ZPBP: variants seen among roughly 807,000 people sequenced by gnomAD.
ZPBP encodes zona pellucida-binding protein 1.
ZPBP carries 26 observed loss-of-function variants against 44.8 expected under a neutral mutation model. The observed-to-expected ratio is 0.58, with a 90% confidence interval of 0.43 to 0.81. The LOEUF is 0.81. Ranked by LOEUF, ZPBP falls within the 30% of genes least tolerant of loss-of-function variation. ZPBP has a pLI of 0.00. For synonymous variants in ZPBP, 174 were observed against 153.2 expected (o/e 1.14, Z -1.00); for missense variants, 409 against 434.0 (o/e 0.94, Z 0.51).
chr7:49,864,741 C>CT (rs771775636), intron 2 of ZPBP, among the ~76,000 whole-genome samples: 39 of 152,350 alleles, frequency 2.6e-4, no homozygotes, highest in Middle Eastern at 3.4e-3. Flanking sequence ...TTTATGAATG[C>CT]TGTCTGCTCC....
chr7:50,057,635 G>A lies in ZPBP; in HGVS notation c.487+354C>T, dbSNP rs530192566. On this transcript the variant is annotated intron_variant, in intron 4 of 7. Transcript: ENST00000046087. ...GGTGTTTCACGCTCCTGTTTTGGGG[G>A]ATGGCAGTGTACCAGAAATCATCAT... 5.3e-5 allele frequency among the ~76,000 whole-genome samples: 8 copies of A among 152,272 alleles called. No homozygotes were observed. In the South Asian group the frequency reaches 1.5e-3, roughly 28 times the overall value.
At chr7:50,085,497 A>G (rs1309200368) in intron 2 of ZPBP, among the ~76,000 whole-genome samples, 1 of 152,064 alleles carries the variant, frequency 6.6e-6, no homozygotes, top group Non-Finnish European at 1.5e-5. Flanking sequence ...TTACAATCAC[A>G]GTGAGAACCA....
At chr7:50,018,183 A>G in intron 6 of ZPBP, 57 bp downstream of exon 6, 12 of 1,271,126 alleles carry the variant, frequency 9.4e-6, no homozygotes, top group Non-Finnish European at 1.4e-5. Context: ...GCTTACTTAC[A>G]CATGGGGCAT....
intron 6 of ZPBP, among the ~76,000 whole-genome samples, chr7:49,985,077 G>T (rs1797199473): frequency 1.3e-5 from 2 of 152,266 alleles, no homozygotes; most frequent in Admixed American, 1.3e-4. Flanking sequence ...GGATGTGTGT[G>T]AGTGCACCCT....
intron 1 of ZPBP, among the ~76,000 whole-genome samples, chr7:49,911,289 C>G (rs776643547): frequency 3.3e-5 from 5 of 151,944 alleles, no homozygotes; most frequent in African/African-American, 4.8e-5. Flanking sequence ...CGAGACCATC[C>G]TGGCCAACAT....
intron 1 of ZPBP, chr7:49,916,969 A>G (rs1237061286): frequency 6.6e-6 from 1 of 152,242 alleles, no homozygotes; most frequent in African/African-American, 2.4e-5. Context: ...ATTGTATTGA[A>G]GAGACACTGG....
chr7:49,962,365 C>A (rs1023334832), intron 7 of ZPBP, among the ~76,000 whole-genome samples: 1 of 151,732 alleles, frequency 6.6e-6, no homozygotes, highest in African/African-American at 2.4e-5. Flanking sequence ...ATCAATGCAT[C>A]ATAAAAACAT....
intron 6 of ZPBP, among the ~76,000 whole-genome samples, chr7:49,988,223 A>G (rs1051641437): frequency 3.3e-5 from 5 of 152,210 alleles, no homozygotes; most frequent in Non-Finnish European, 5.9e-5. Flanking sequence ...TCATTTTAGA[A>G]AAATAAATAA....
intron 2 of ZPBP, among the ~76,000 whole-genome samples, chr7:49,884,901 T>C (rs982935915): frequency 2.6e-5 from 4 of 151,974 alleles, no homozygotes; most frequent in African/African-American, 9.7e-5. Flanking sequence ...TAGAGGAAAT[T>C]CAGAAACCTA....
intron 2 of ZPBP, among the ~76,000 whole-genome samples, chr7:49,853,046 A>G (rs1033374997): frequency 3.3e-5 from 5 of 152,178 alleles, no homozygotes; most frequent in Admixed American, 1.3e-4. Context: ...TGCACCAAGG[A>G]CAGAAGCGGA....
At chr7:49,854,978 G>A (rs142502526) in intron 2 of ZPBP, among the ~76,000 whole-genome samples, 2 of 152,332 alleles carry the variant, frequency 1.3e-5, no homozygotes, top group East Asian at 3.9e-4. Flanking sequence ...TGTCATAAGA[G>A]TAGTGCCAAG....
chr7:50,048,011 G>A (rs563767148), intron 4 of ZPBP, among the ~76,000 whole-genome samples: 101 of 152,288 alleles, frequency 6.6e-4, no homozygotes, highest in African/African-American at 2.3e-3. Context: ...TACCAGAATA[G>A]TATGGGAGGG....
chr7:49,845,911 A>G (rs1470248277), downstream of ZPBP, among the ~76,000 whole-genome samples: 1 of 152,160 alleles, frequency 6.6e-6, no homozygotes, highest in African/African-American at 2.4e-5. Flanking sequence ...TTACATATTC[A>G]TCACTGGAGA....
chr7:50,048,398 GC>G (rs918122253), intron 4 of ZPBP, among the ~76,000 whole-genome samples: 23 of 152,018 alleles, frequency 1.5e-4, no homozygotes, highest in African/African-American at 5.6e-4. Context: ...CAGTAAACTG[GC>G]TAACAGCAGC....
chr7:49,858,711 A>T (rs1299714978), intron 2 of ZPBP, among the ~76,000 whole-genome samples: 3 of 152,170 alleles, frequency 2.0e-5, no homozygotes, highest in East Asian at 1.9e-4. Context: ...ATAATAATAA[A>T]AAAAAGAAAG....
intron 3 of ZPBP, among the ~76,000 whole-genome samples, chr7:50,069,155 G>A (rs990892660): frequency 3.3e-5 from 5 of 152,162 alleles, no homozygotes; most frequent in African/African-American, 1.2e-4. Flanking sequence ...TTGACAGCCT[G>A]TATTCCTTTT....
At chr7:49,989,396 G>A (rs1797464014) in intron 6 of ZPBP, among the ~76,000 whole-genome samples, 1 of 152,132 alleles carries the variant, frequency 6.6e-6, no homozygotes, top group African/African-American at 2.4e-5. Flanking sequence ...GGCTGGGCTT[G>A]GCTTTAGAAA....
At chr7:49,992,398 G>C (rs1418585396) in intron 6 of ZPBP, among the ~76,000 whole-genome samples, 1 of 152,016 alleles carries the variant, frequency 6.6e-6, no homozygotes, top group Non-Finnish European at 1.5e-5. Context: ...CATGAAAAGA[G>C]AGGAAACACA....
rs888876671 is a variant in ZPBP, at chr7:50,083,646, G to C, written c.209-1747C>G. Among the ~76,000 whole-genome samples, 7 of 151,912 alleles carry C rather than the reference G, an allele frequency of 4.6e-5. No individual in the cohort carries two copies. In the East Asian group the frequency reaches 1.4e-3, roughly 29 times the overall value. ...AATAAAAAAAGAGAGGCCTGGTGTA[G>C]GAACAAATAATGGGTCTAGGGAAAA... On this transcript the variant is annotated intron_variant, in intron 2 of 7. Coordinates refer to ENST00000046087, the MANE Select transcript of ZPBP (RefSeq NM_007009.3).
Sources: gnomAD v4.1 joint callset for allele counts (sites outside exome capture counted in the v4.1 genomes callset) on GRCh38, gnomAD v4.1.1 for gene constraint, MANE v1.5 for transcripts, NCBI Gene and HGNC (gene_info 2026-07-23, HGNC 2026-07-21) for gene names.